The following DCLK2 variants were observed in gnomAD, a reference collection of about 807,000 sequenced individuals.
DCLK2 encodes the protein doublecortin like kinase 2.
Under a neutral mutation model 78.4 loss-of-function variants are expected in DCLK2, and 31 were observed. That is an observed-to-expected ratio of 0.40 (90% confidence interval 0.30 to 0.53). The LOEUF is 0.53. Ranked by LOEUF, DCLK2 falls within the 20% of genes least tolerant of loss-of-function variation. The pLI, the probability that DCLK2 is intolerant of heterozygous loss-of-function variation, is 0.61. For missense variants in DCLK2, 872 were observed against 973.7 expected (o/e 0.90, Z 1.39); for synonymous variants, 407 against 374.9 (o/e 1.09, Z -0.99).
intron 10 of DCLK2, among the ~76,000 whole-genome samples, chr4:150,239,112 C>T (rs1273462722): frequency 1.3e-5 from 2 of 152,142 alleles, no homozygotes; most frequent in Non-Finnish European, 2.9e-5. Flanking sequence ...GCCTCTCTCA[C>T]GCCTATCAGG....
intron 5 of DCLK2, among the ~76,000 whole-genome samples, chr4:150,216,509 G>A (rs1740730256): frequency 6.6e-6 from 1 of 152,058 alleles, no homozygotes; most frequent in Non-Finnish European, 1.5e-5. Context: ...CGTGGTGGCG[G>A]GTGCTTGTAA....
In DCLK2 at chr4:150,102,787, G is replaced by A. The variant is rs1730979062; in HGVS notation, c.731G>A (p.Arg244Lys). The change falls in exon 2 of 16, where the codon AGG (arginine) becomes AAG (lysine). Residue 244 changes from arginine (R) to lysine (K), a missense_variant. Coordinates refer to ENST00000296550, the MANE Select transcript of DCLK2 (RefSeq NM_001040260.4). Reference protein sequence around the residue: ...AIKLDSGVVKRLCTLDGKQVT... With the variant: ...AIKLDSGVVKKLCTLDGKQVT... Reference sequence around the variant, plus strand: ...AAACTAGACTCAGGAGTCGTCAAGAGGCTCTGCACCCTGGATGGAAAGCAG... The same window carrying A: ...AAACTAGACTCAGGAGTCGTCAAGAAGCTCTGCACCCTGGATGGAAAGCAG... 3 of 1,608,082 alleles carry A rather than the reference G, an allele frequency of 1.9e-6. No individual in the cohort carries two copies. The highest frequency in any genetic ancestry group is 1.1e-5 in the South Asian group (1 of 90,400).
chr4:150,108,664 A>G (rs1035046456), intron 2 of DCLK2, among the ~76,000 whole-genome samples: 2 of 152,232 alleles, frequency 1.3e-5, no homozygotes, highest in East Asian at 1.9e-4. Flanking sequence ...TGACATTCTC[A>G]TAATAAAATA....
In DCLK2 at chr4:150,079,149, G is replaced by T. The variant is rs756677344; in HGVS notation, c.122G>T (p.Gly41Val). 1 of 1,600,474 alleles carries T rather than the reference G, an allele frequency of 6.2e-7. No homozygotes were observed. Among genetic ancestry groups the T allele is most frequent in the South Asian group, 1.1e-5 (1 of 88,616 alleles). Residue 41 changes from glycine (G) to valine (V), a missense_variant, in exon 1 of 16, where the codon GGG becomes GTG. This residue lies in a region of DCLK2 where 567 missense variants were observed against 593.4 expected (regional missense o/e 0.96). Coordinates refer to ENST00000296550, the MANE Select transcript of DCLK2 (RefSeq NM_001040260.4). ...GGCAGCAGCAGCTCGGGCCCCAAGGGGAACGGGCTCATCCCCAGTCCGGCG... is the reference window on the plus strand; with the variant it reads ...GGCAGCAGCAGCTCGGGCCCCAAGGTGAACGGGCTCATCCCCAGTCCGGCG... ...SGGSSSSGPK[G>V]NGLIPSPAHS...
chr4:150,174,517 C>T (rs752585920), intron 2 of DCLK2, among the ~76,000 whole-genome samples: 2 of 152,232 alleles, frequency 1.3e-5, no homozygotes, highest in East Asian at 1.9e-4. Flanking sequence ...TTTGCGGCCA[C>T]GCTTCGTTTA....
At chr4:150,143,893 G>A (rs1475238285) in intron 2 of DCLK2, among the ~76,000 whole-genome samples, 1 of 151,828 alleles carries the variant, frequency 6.6e-6, no homozygotes, top group Non-Finnish European at 1.5e-5. Context: ...TTTTTAATAG[G>A]ATTGTTTTTT....
intron 4 of DCLK2, chr4:150,198,906 C>CA (rs1739252890): frequency 1.8e-6 from 1 of 561,458 alleles, no homozygotes; most frequent in South Asian, 2.1e-5. Flanking sequence ...TTTCCCCTTT[C>CA]AGCACCCCCC....
chr4:150,205,887 G>T lies in DCLK2; in HGVS notation c.1056+1998G>T, dbSNP rs187425229. Among the ~76,000 whole-genome samples, 3 of 152,268 alleles carry T rather than the reference G, an allele frequency of 2.0e-5. No individual in the cohort carries two copies. In the East Asian group the frequency reaches 5.8e-4, roughly 29 times the overall value. On this transcript the variant is annotated intron_variant, in intron 5 of 15. Transcript: ENST00000296550. Reference sequence around the variant, plus strand: ...CTTCATATTCCTCCCCCAGGCCATTGCCCCAGGTGGGGCTGAGATCCTTAA... The same window carrying T: ...CTTCATATTCCTCCCCCAGGCCATTTCCCCAGGTGGGGCTGAGATCCTTAA...
At chr4:150,212,626 C>T (rs17631799) in intron 5 of DCLK2, among the ~76,000 whole-genome samples, 15,172 of 152,204 alleles carry the variant, frequency 0.1, 1,364 homozygotes, top group South Asian at 0.47. Context: ...CATAATGCAT[C>T]TCACACTTTG....
intron 2 of DCLK2, among the ~76,000 whole-genome samples, chr4:150,180,211 G>C (rs1217214252): frequency 6.6e-6 from 1 of 152,166 alleles, no homozygotes; most frequent in Non-Finnish European, 1.5e-5. Flanking sequence ...CTTACTGGCT[G>C]TATGACTTTG....
chr4:150,249,588 TA>T lies in DCLK2; in HGVS notation c.1979del (p.Asn660ThrfsTer6). ...TGTAGGATGATGCCTCCCAGGAGAA[TA>T]ACATGCAAGCTGAGGTGACAGGTAA... Reference protein sequence around the residue: ...WVSDDASQENNMQAEVTGKLK... With the variant: ...WVSDDASQENXMQAEVTGKLK... On this transcript the variant is annotated frameshift_variant, in exon 15 of 16. Coordinates refer to ENST00000296550, the MANE Select transcript of DCLK2 (RefSeq NM_001040260.4). LOFTEE classifies it high-confidence loss of function. The T allele has an allele frequency of 6.2e-7, 1 of 1,613,612 alleles. No individual in the cohort carries two copies. The highest frequency in any genetic ancestry group is 8.5e-7 in the Non-Finnish European group (1 of 1,179,908).
At chr4:150,129,964 CA>C (rs1733183997) in intron 2 of DCLK2, among the ~76,000 whole-genome samples, 1 of 152,032 alleles carries the variant, frequency 6.6e-6, no homozygotes, top group South Asian at 2.1e-4. Flanking sequence ...AATTTGGTGA[CA>C]TTATATTGTA....
intron 1 of DCLK2, among the ~76,000 whole-genome samples, chr4:150,090,445 A>G (rs1295763766): frequency 3.4e-5 from 5 of 147,112 alleles, no homozygotes; most frequent in Middle Eastern, 3.5e-3. Flanking sequence ...AAACAAAACA[A>G]AAAAACGCAC....
At chr4:150,215,005 A>G (rs1740585817) in intron 5 of DCLK2, among the ~76,000 whole-genome samples, 1 of 151,884 alleles carries the variant, frequency 6.6e-6, no homozygotes, top group Non-Finnish European at 1.5e-5. Context: ...ACACTTATAG[A>G]CCATTTACCA....
intron 1 of DCLK2, among the ~76,000 whole-genome samples, chr4:150,097,812 C>T (rs1171272739): frequency 6.6e-6 from 1 of 152,124 alleles, no homozygotes; most frequent in Non-Finnish European, 1.5e-5. Flanking sequence ...ATATAGTACT[C>T]ATATGATCGG....
At chr4:150,228,063 A>C (rs1201913473) in intron 8 of DCLK2, among the ~76,000 whole-genome samples, 1 of 152,148 alleles carries the variant, frequency 6.6e-6, no homozygotes. Context: ...ATATCCCACC[A>C]GTCTCTGCCT....
intron 10 of DCLK2, among the ~76,000 whole-genome samples, chr4:150,236,852 A>G (rs1269221626): frequency 2.6e-5 from 4 of 152,152 alleles, no homozygotes; most frequent in Admixed American, 6.5e-5. Flanking sequence ...AAGGAATATC[A>G]CTTGCACAGA....
At chr4:150,116,189 C>A (rs1252842817) in intron 2 of DCLK2, among the ~76,000 whole-genome samples, 1 of 152,176 alleles carries the variant, frequency 6.6e-6, no homozygotes, top group Non-Finnish European at 1.5e-5. Context: ...GATGCAGTCA[C>A]CCTGAAGGGT....
chr4:150,235,065 G>A (rs151100115), intron 10 of DCLK2, among the ~76,000 whole-genome samples: 2 of 152,270 alleles, frequency 1.3e-5, no homozygotes, highest in African/African-American at 4.8e-5. Flanking sequence ...ACTGGCTCTA[G>A]TTACTGCATT....
Sources: allele counts gnomAD v4.1 joint callset (sites outside exome capture counted in the v4.1 genomes callset), GRCh38; gene constraint gnomAD v4.1.1; regional missense constraint gnomAD v4.1.1; transcripts MANE v1.5; gene names NCBI Gene and HGNC (gene_info 2026-07-23, HGNC 2026-07-21).